Variants in ARID5A observed in about 807,000 individuals in gnomAD.
ARID5A encodes AT-rich interaction domain 5A.
Under a neutral mutation model 30.5 loss-of-function variants are expected in ARID5A, and 14 were observed. The observed-to-expected ratio is 0.46, with a 90% CI of 0.30 to 0.72. ARID5A has a LOEUF of 0.72. Ranked by LOEUF, ARID5A falls within the 30% of genes least tolerant of loss-of-function variation. The pLI, the probability that ARID5A is intolerant of heterozygous loss-of-function variation, is 0.07. For synonymous variants in ARID5A, 338 were observed against 340.4 expected, an observed-to-expected ratio of 0.99 and a Z score of 0.08; for missense variants, 669 against 786.2, an observed-to-expected ratio of 0.85 and a Z score of 1.78.
intron 1 of ARID5A, among the ~76,000 whole-genome samples, chr2:96,540,404 G>A (rs1027235162): frequency 3.9e-5 from 6 of 152,330 alleles, no homozygotes; most frequent in Middle Eastern, 3.4e-3. Context: ...TAGGAGCCCA[G>A]GCTCATCTTC....
At chr2:96,545,918 C>A (rs2065919650) in intron 1 of ARID5A, among the ~76,000 whole-genome samples, 1 of 151,542 alleles carries the variant, frequency 6.6e-6, no homozygotes, top group Non-Finnish European at 1.5e-5. Context: ...CACGCCACTG[C>A]ACTCCAGCCT....
At chr2:96,538,870 TGGGGCGGGCAGCAGAAA>T (rs2065793887) in intron 1 of ARID5A, among the ~76,000 whole-genome samples, 2 of 151,682 alleles carry the variant, frequency 1.3e-5, no homozygotes, top group African/African-American at 4.9e-5. Flanking sequence ...CCAGGGTGAG[TGGGGCGGGCAGCAGAAA>T]GATGGGGAGG....
Position 96,549,880 on chromosome 2 carries a change from GGACAGAGGA to G in ARID5A, c.312+76_312+84del. 1 of 1,567,044 alleles carries G rather than the reference GGACAGAGGA, an allele frequency of 6.4e-7. No individual in the cohort carries two copies. Among genetic ancestry groups the G allele is most frequent in the Non-Finnish European group, 8.7e-7 (1 of 1,154,798 alleles). ...AGCCTGCAGCGCTGTCCTTGCCTCT[GGACAGAGGA>G]AGAGCCAGGATCCCCAGTCCTACCC... On this transcript the variant is annotated intron_variant, in intron 4 of 6. Coordinates refer to ENST00000357485, the MANE Select transcript of ARID5A (RefSeq NM_212481.3). The surrounding 1 kb of genome is among the most constrained non-coding windows in gnomAD (Gnocchi z 6.1).
At chr2:96,543,827 T>G (rs1360159552) in intron 1 of ARID5A, among the ~76,000 whole-genome samples, 4 of 152,178 alleles carry the variant, frequency 2.6e-5, no homozygotes, top group African/African-American at 9.7e-5. Flanking sequence ...ATAATTAAAC[T>G]TAGTGAGGAA....
chr2:96,538,536 A>G (rs1344615337), intron 1 of ARID5A, among the ~76,000 whole-genome samples: 4 of 152,148 alleles, frequency 2.6e-5, no homozygotes, highest in East Asian at 3.9e-4. Flanking sequence ...TCCCAGGCCC[A>G]TCGCGTTTCT....
chr2:96,537,734 C>G lies in ARID5A; in HGVS notation c.4+904C>G. 2.2e-6 allele frequency: 1 copy of G among 446,140 alleles called. No homozygotes were observed. Among genetic ancestry groups the G allele is most frequent in the African/African-American group, 2.1e-5 (1 of 46,918 alleles). 27.6% of individuals were successfully genotyped at this position (446,140 alleles called of 1,614,324 possible). ...GGCCAACCCGGGCCCGCGCTCCGTC[C>G]CTCCGCGGTGTCTAGGGGTCGCCCG... On this transcript the variant is annotated intron_variant, in intron 1 of 6. Transcript: ENST00000357485. The surrounding 1 kb of genome is among the most constrained non-coding windows in gnomAD (Gnocchi z 4.8).
Position 96,550,044 on chromosome 2 carries a change from G to T in ARID5A, c.313-144G>T, listed in dbSNP as rs748856198. On this transcript the variant is annotated intron_variant, in intron 4 of 6. Transcript: ENST00000357485. This position sits in a 1 kb window ranked among gnomAD's most constrained non-coding sequence, Gnocchi z 6.6. ...GGGCCAGCAGTCCATGGCCCTAGGA[G>T]AGAGAATCGGCTGGCCGCTGCTGGA... 30 of 1,533,194 alleles carry T rather than the reference G, an allele frequency of 2.0e-5. No homozygotes were observed. In the South Asian group the frequency reaches 3.6e-4, roughly 18 times the overall value. The allele number at this position is 1,533,194 out of a possible 1,614,324, so 95.0% of individuals were successfully genotyped here.
intron 1 of ARID5A, 45 bp from the exon 2 acceptor site, chr2:96,547,357 C>G (rs368672443): frequency 1.3e-5 from 20 of 1,543,934 alleles, no homozygotes; most frequent in Non-Finnish European, 1.5e-5. Context: ...CTCATATGCT[C>G]TCTCCCCACC....
intron 1 of ARID5A, among the ~76,000 whole-genome samples, chr2:96,540,231 A>G (rs2065822501): frequency 6.6e-6 from 1 of 152,208 alleles, no homozygotes; most frequent in Non-Finnish European, 1.5e-5. Context: ...ACAGACTAAC[A>G]TCTTCAGTGC....
rs1573199457 is a variant in ARID5A at position 96,549,446 on chromosome 2, C to T, written c.246C>T (p.Leu82=). The change falls in exon 3 of 7, where the codon CTC becomes CTT. Residue 82 remains leucine (L), a synonymous_variant. Transcript: ENST00000357485. This position sits in a 1 kb window ranked among gnomAD's most constrained non-coding sequence, Gnocchi z 6.1. The part of the protein sequence containing the change: ...RHTPIERVPH[L]GFKQINLWKI... ...CGCCCATCGAGAGGGTGCCCCATCT[C>T]GGCTTCAAGCAGAGTGCGTCCCTGG... is the stretch of plus-strand genomic sequence containing the variant. The T allele has an allele frequency of 1.2e-6, 2 of 1,613,390 alleles. No individual in the cohort carries two copies. Among genetic ancestry groups the T allele is most frequent in the South Asian group, 1.1e-5 (1 of 91,058 alleles).
At position 96,550,469 on chromosome 2, in the gene ARID5A, G is replaced by A. The variant is rs989107614; in HGVS notation, c.411-105G>A. The A allele has an allele frequency of 6.8e-6, 10 of 1,461,546 alleles. No homozygotes were observed. In the East Asian group the frequency reaches 2.3e-4, roughly 33 times the overall value. 90.5% of individuals were successfully genotyped at this position (1,461,546 alleles called of 1,614,324 possible). The stretch of plus-strand genomic sequence containing the variant: ...AGCTGAAGCTTTGGGACCAGGAGAG[G>A]GCCTTCCTCGGCGCCGGCGGGGAAG... On this transcript the variant is annotated intron_variant, in intron 5 of 6. Coordinates refer to ENST00000357485, the MANE Select transcript of ARID5A (RefSeq NM_212481.3). This position sits in a 1 kb window ranked among gnomAD's most constrained non-coding sequence, Gnocchi z 6.6.
rs1396068740 is a variant in ARID5A, at chr2:96,550,630, C to G, written c.467C>G (p.Thr156Ser). ...LKGEDDKPLP[T>S]SKPRKQYKMA... ...GGGGAGGATGACAAGCCGCTGCCCA[C>G]CTCCAAGCCCAGGAAACAGTACAAG... Residue 156 changes from threonine (T) to serine (S), a missense_variant, in exon 6 of 7, where the codon ACC becomes AGC. By Grantham distance (58) the Thr-to-Ser change is moderately conservative. This residue lies in a region of ARID5A where 548 missense variants were observed against 577.4 expected (regional missense o/e 0.95). Coordinates refer to ENST00000357485, the MANE Select transcript of ARID5A (RefSeq NM_212481.3). This position sits in a 1 kb window ranked among gnomAD's most constrained non-coding sequence, Gnocchi z 6.6. The G allele has an allele frequency of 3.1e-6, 5 of 1,608,118 alleles. No homozygotes were observed. The highest frequency in any genetic ancestry group is 4.2e-6 in the Non-Finnish European group (5 of 1,177,894).
chr2:96,546,529 C>G (rs1467002835), intron 1 of ARID5A, among the ~76,000 whole-genome samples: 1 of 152,272 alleles, frequency 6.6e-6, no homozygotes, highest in South Asian at 2.1e-4. Context: ...CAGCTTGGCA[C>G]CTGCTGTGTG....
chr2:96,545,939 G>A (rs971915410), intron 1 of ARID5A, among the ~76,000 whole-genome samples: 6 of 151,476 alleles, frequency 4.0e-5, no homozygotes, highest in African/African-American at 7.3e-5. Context: ...GGGCAACAGA[G>A]CAAGATTCTG....
chr2:96,546,828 T>C (rs1375048842), intron 1 of ARID5A, among the ~76,000 whole-genome samples: 2 of 152,220 alleles, frequency 1.3e-5, no homozygotes, highest in Admixed American at 1.3e-4. Flanking sequence ...GGGACCCCTG[T>C]GTTGCTTTGG....
chr2:96,539,452 G>A lies in ARID5A; in HGVS notation c.4+2622G>A, dbSNP rs930440467. 6.6e-5 allele frequency among the ~76,000 whole-genome samples: 10 copies of A among 152,172 alleles called. No homozygotes were observed. The highest frequency in any genetic ancestry group is 1.9e-4 in the East Asian group (1 of 5,194). On this transcript the variant is annotated intron_variant, in intron 1 of 6. Transcript: ENST00000357485. This position sits in a 1 kb window ranked among gnomAD's most constrained non-coding sequence, Gnocchi z 4.7. Reference sequence around the variant, plus strand: ...TTGTCTTCAGTGACTCTCAACCACCGCCCGACTGCCTTCACCTTCCTGCCT... The same window carrying A: ...TTGTCTTCAGTGACTCTCAACCACCACCCGACTGCCTTCACCTTCCTGCCT...
chr2:96,551,392 G>C lies in ARID5A; in HGVS notation c.864G>C (p.Ala288=). ...GCCGCCATGGGGCAGAGCCCCAGGC[G>C]TCCCCAGCTGTTCACCTCCCAGAGA... ...EGCRHGAEPQ[A]SPAVHLPESP... The change falls in exon 7 of 7, where the codon GCG becomes GCC. Residue 288 remains alanine, a synonymous_variant. Transcript: ENST00000357485. 1 of 1,609,378 alleles carries C rather than the reference G, an allele frequency of 6.2e-7. No homozygotes were observed. Among genetic ancestry groups the C allele is most frequent in the Non-Finnish European group, 8.5e-7 (1 of 1,178,598 alleles).
Position 96,549,054 on chromosome 2 carries a change from G to A in ARID5A, c.121-267G>A, listed in dbSNP as rs1416215546. Reference sequence around the variant, plus strand: ...GGAGAAGGCTGGGGACTGCTCTCGTGGCAGCCTCTGGAGCCAGCTGCTCTG... The same window carrying A: ...GGAGAAGGCTGGGGACTGCTCTCGTAGCAGCCTCTGGAGCCAGCTGCTCTG... On this transcript the variant is annotated intron_variant, in intron 2 of 6. Transcript: ENST00000357485. The surrounding 1 kb of genome is among the most constrained non-coding windows in gnomAD (Gnocchi z 6.1). Among the ~76,000 whole-genome samples, 14 of 152,184 alleles carry A rather than the reference G, an allele frequency of 9.2e-5. No homozygotes were observed. The highest frequency in any genetic ancestry group is 3.4e-4 in the African/African-American group (14 of 41,444).
chr2:96,538,646 C>G (rs948064926), intron 1 of ARID5A, among the ~76,000 whole-genome samples: 2 of 152,244 alleles, frequency 1.3e-5, no homozygotes, highest in Non-Finnish European at 2.9e-5. Flanking sequence ...CCCGGGCTGC[C>G]GAGTGGACCG....
Sources: allele counts gnomAD v4.1 joint callset (sites outside exome capture counted in the v4.1 genomes callset), GRCh38; gene constraint gnomAD v4.1.1; regional missense constraint gnomAD v4.1.1; non-coding constraint Gnocchi (gnomAD v3.1); transcripts MANE v1.5; gene names NCBI Gene and HGNC (gene_info 2026-07-23, HGNC 2026-07-21).